The following TBX4 variants were observed in gnomAD, a reference collection of about 807,000 sequenced individuals.
TBX4 encodes T-box transcription factor TBX4.
In TBX4, 13 loss-of-function variants were observed where a neutral mutation model predicts 54.6. The observed-to-expected ratio is 0.24, with a 90% CI of 0.15 to 0.38. TBX4 has a LOEUF of 0.38. TBX4 is among the 10% of genes least tolerant of loss of function. The pLI, the probability that TBX4 is intolerant of heterozygous loss-of-function variation, is 1.00. For synonymous variants in TBX4, 314 were observed against 306.7 expected (o/e 1.02, Z -0.25); for missense variants, 631 against 728.5 (o/e 0.87, Z 1.54).
intron 5 of TBX4, among the ~76,000 whole-genome samples, chr17:61,471,115 A>G (rs1452825945): frequency 2.0e-5 from 3 of 152,240 alleles, no homozygotes; most frequent in African/African-American, 7.2e-5. Flanking sequence ...GTCACAAAGT[A>G]GCACGCATTA....
At chr17:61,482,860 G>A (rs940680095) in intron 8 of TBX4, 37 bp from the exon 9 acceptor site, 4 of 1,609,442 alleles carry the variant, frequency 2.5e-6, no homozygotes, top group Non-Finnish European at 3.4e-6. Context: ...CTGGGCTGGT[G>A]GAAATGGTTC....
In TBX4 at chr17:61,460,846, C is replaced by T. The variant is rs932837751; in HGVS notation, c.281+3215C>T. Reference sequence around the variant, plus strand: ...AATCTCCACTATCAGCCTTCATAGCCTGTTGAGTTCAATGTTGCTTGTGTT... The same window carrying T: ...AATCTCCACTATCAGCCTTCATAGCTTGTTGAGTTCAATGTTGCTTGTGTT... On this transcript the variant is annotated intron_variant, in intron 3 of 8. Coordinates refer to ENST00000644296, the MANE Select transcript of TBX4 (RefSeq NM_001321120.2). This position sits in a 1 kb window ranked among gnomAD's most constrained non-coding sequence, Gnocchi z 4.4. Among the ~76,000 whole-genome samples, 2 of 152,230 alleles carry T rather than the reference C, an allele frequency of 1.3e-5. No individual in the cohort carries two copies. The highest frequency in any genetic ancestry group is 1.3e-4 in the Admixed American group (2 of 15,294).
rs956156755 is a variant in TBX4, at chr17:61,457,379, C to A, written c.187-158C>A. On this transcript the variant is annotated intron_variant, in intron 2 of 8. Coordinates refer to ENST00000644296, the MANE Select transcript of TBX4 (RefSeq NM_001321120.2). The surrounding 1 kb of genome is among the most constrained non-coding windows in gnomAD (Gnocchi z 8.2). ...CCACCGATTAATTCTTTTATATTCA[C>A]GAATAGTTCAAAATCGTTCTGTGAA... 6.6e-6 allele frequency among the ~76,000 whole-genome samples: 1 copy of A among 152,130 alleles called. No homozygotes were observed.
At chr17:61,463,802 C>T (rs2060515137) in intron 3 of TBX4, among the ~76,000 whole-genome samples, 1 of 152,230 alleles carries the variant, frequency 6.6e-6, no homozygotes, top group South Asian at 2.1e-4. Flanking sequence ...CATTTTGTGG[C>T]TGTTTCTGTG....
chr17:61,467,675 C>CT lies in TBX4; in HGVS notation c.549+19dup. 6.2e-7 allele frequency: 1 copy of CT among 1,614,080 alleles called. No homozygotes were observed. The highest frequency in any genetic ancestry group is 8.5e-7 in the Non-Finnish European group (1 of 1,180,020). On this transcript the variant is annotated intron_variant, in intron 5 of 8. Transcript: ENST00000644296. Reference sequence around the variant, plus strand: ...TTGGCCATGTAAGCATGGGGGCTGCCTGGCCCCAGGAGGCAAGTCTGGGGC... The same window carrying CT: ...TTGGCCATGTAAGCATGGGGGCTGCCTTGGCCCCAGGAGGCAAGTCTGGGGC...
Position 61,479,875 on chromosome 17 carries a change from C to G in TBX4, c.703-6C>G. ...ACTGGTGACCCTATGTGTTTTCTCC[C>G]CACAGATCACCCAGCTGAAAATTGA... On this transcript the variant is annotated splice_region_variant and splice_polypyrimidine_tract_variant and intron_variant, in intron 6 of 8. Transcript: ENST00000644296. This position sits in a 1 kb window ranked among gnomAD's most constrained non-coding sequence, Gnocchi z 6.1. The G allele has an allele frequency of 6.2e-7, 1 of 1,614,064 alleles. No homozygotes were observed. Among genetic ancestry groups the G allele is most frequent in the Non-Finnish European group, 8.5e-7 (1 of 1,179,974 alleles).
In TBX4 at chr17:61,479,937, T is replaced by G. The variant is rs370445458; in HGVS notation, c.759T>G (p.Asp253Glu). ...TTGCCAAGGGATTCCGGGGCAGTGATGACAGTGACCTGCGTGTGGCCCGAC... is the reference window on the plus strand; with the variant it reads ...TTGCCAAGGGATTCCGGGGCAGTGAGGACAGTGACCTGCGTGTGGCCCGAC... ...NPFAKGFRGS[D>E]DSDLRVARLQ... Residue 253 changes from aspartate to glutamate, a missense_variant, in exon 7 of 9, where the codon GAT becomes GAG. Transcript: ENST00000644296. This position sits in a 1 kb window ranked among gnomAD's most constrained non-coding sequence, Gnocchi z 6.1. The G allele has an allele frequency of 6.2e-7, 1 of 1,614,088 alleles. No homozygotes were observed. The highest frequency in any genetic ancestry group is 8.5e-7 in the Non-Finnish European group (1 of 1,180,000).
intron 5 of TBX4, among the ~76,000 whole-genome samples, chr17:61,469,698 C>A (rs2060562336): frequency 6.6e-6 from 1 of 152,294 alleles, no homozygotes; most frequent in African/African-American, 2.4e-5. Flanking sequence ...TTTAGAGAAC[C>A]CTTGAAGAGG....
chr17:61,461,469 A>G lies in TBX4; in HGVS notation c.281+3838A>G, dbSNP rs953632453. On this transcript the variant is annotated intron_variant, in intron 3 of 8. Coordinates refer to ENST00000644296, the MANE Select transcript of TBX4 (RefSeq NM_001321120.2). The surrounding 1 kb of genome is among the most constrained non-coding windows in gnomAD (Gnocchi z 5.1). The stretch of plus-strand genomic sequence containing the variant: ...TTCCTCCTGAAAAGCCCCCACGGAC[A>G]TCAGGGTTGGAGAAACAAAGGGTTT... 6.6e-6 allele frequency among the ~76,000 whole-genome samples: 1 copy of G among 152,190 alleles called. No individual in the cohort carries two copies. Among genetic ancestry groups the G allele is most frequent in the Non-Finnish European group, 1.5e-5 (1 of 68,046 alleles).
chr17:61,456,944 A>AC (rs1248355221), intron 2 of TBX4, among the ~76,000 whole-genome samples: 8 of 151,946 alleles, frequency 5.3e-5, no homozygotes, highest in African/African-American at 1.9e-4. Context: ...AGAGAGGGAG[A>AC]CCCCCGTAGC....
chr17:61,470,549 A>G (rs967242938), intron 5 of TBX4, among the ~76,000 whole-genome samples: 1 of 151,686 alleles, frequency 6.6e-6, no homozygotes, highest in East Asian at 1.9e-4. Context: ...CTGTGGGATT[A>G]GGAAAGCCTT....
At chr17:61,468,221 G>T (rs1370694173) in intron 5 of TBX4, among the ~76,000 whole-genome samples, 1 of 152,236 alleles carries the variant, frequency 6.6e-6, no homozygotes, top group Non-Finnish European at 1.5e-5. Flanking sequence ...GCTCCTGCTG[G>T]ATTTGGCCTG....
rs1162668248 is a variant in TBX4, at chr17:61,479,561, C to T, written c.703-320C>T. On this transcript the variant is annotated intron_variant, in intron 6 of 8. Coordinates refer to ENST00000644296, the MANE Select transcript of TBX4 (RefSeq NM_001321120.2). The surrounding 1 kb of genome is among the most constrained non-coding windows in gnomAD (Gnocchi z 6.1). ...CCATGGGGACAGAAGCCCGGCAGTG[C>T]GGAGGGCTGGGGAGCAGGAGAAAGA... Among the ~76,000 whole-genome samples, 5 of 152,086 alleles carry T rather than the reference C, an allele frequency of 3.3e-5. No homozygotes were observed. The highest frequency in any genetic ancestry group is 7.2e-5 in the African/African-American group (3 of 41,394).
rs2060487056 is a variant in TBX4 at position 61,460,523 on chromosome 17, T to C, written c.281+2892T>C. Among the ~76,000 whole-genome samples the C allele has an allele frequency of 6.6e-6, 1 of 152,148 alleles. No individual in the cohort carries two copies. Among genetic ancestry groups the C allele is most frequent in the South Asian group, 2.1e-4 (1 of 4,822 alleles). ...AACCACAGTGGGAGCCACCAGTTTC[T>C]GAATACTCAGCGACCTCCATGTCAG... On this transcript the variant is annotated intron_variant, in intron 3 of 8. Coordinates refer to ENST00000644296, the MANE Select transcript of TBX4 (RefSeq NM_001321120.2). This position sits in a 1 kb window ranked among gnomAD's most constrained non-coding sequence, Gnocchi z 4.4.
Position 61,475,208 on chromosome 17 carries a change from C to T in TBX4, c.550-3419C>T, listed in dbSNP as rs1488243641. Among the ~76,000 whole-genome samples, 1 of 152,248 alleles carries T rather than the reference C, an allele frequency of 6.6e-6. No individual in the cohort carries two copies. Among genetic ancestry groups the T allele is most frequent in the Non-Finnish European group, 1.5e-5 (1 of 68,052 alleles). On this transcript the variant is annotated intron_variant, in intron 5 of 8. Coordinates refer to ENST00000644296, the MANE Select transcript of TBX4 (RefSeq NM_001321120.2). This position sits in a 1 kb window ranked among gnomAD's most constrained non-coding sequence, Gnocchi z 5.0. ...GAAGATGTGTTGGGCACTCTCTCCA[C>T]CCTAGTCATCAGGGACTTTGTCTGA...
At position 61,481,445 on chromosome 17, in the gene TBX4, C is replaced by G. The variant is rs1457186557; in HGVS notation, c.1021+1126C>G. 1 of 152,246 alleles carries G rather than the reference C, an allele frequency of 6.6e-6. No homozygotes were observed. The highest frequency in any genetic ancestry group is 2.4e-5 in the African/African-American group (1 of 41,454). The allele number at this position is 152,246 out of a possible 1,614,324, so 9.4% of individuals were successfully genotyped here. ...CCTTTGCAGAAAAAGTTTGCCCAGTCTTGACCTAGAGTGAGTAGGCCACCT... is the reference window on the plus strand; with the variant it reads ...CCTTTGCAGAAAAAGTTTGCCCAGTGTTGACCTAGAGTGAGTAGGCCACCT... On this transcript the variant is annotated intron_variant, in intron 8 of 8. Transcript: ENST00000644296. This position sits in a 1 kb window ranked among gnomAD's most constrained non-coding sequence, Gnocchi z 4.8.
In TBX4 at chr17:61,457,395, G is replaced by C. The variant is rs2060460064; in HGVS notation, c.187-142G>C. On this transcript the variant is annotated intron_variant, in intron 2 of 8. Coordinates refer to ENST00000644296, the MANE Select transcript of TBX4 (RefSeq NM_001321120.2). The surrounding 1 kb of genome is among the most constrained non-coding windows in gnomAD (Gnocchi z 8.2). ...TTATATTCACGAATAGTTCAAAATC[G>C]TTCTGTGAAACGAAATCTGGAGCCA... is the stretch of plus-strand genomic sequence containing the variant. The C allele has an allele frequency of 1.4e-6, 1 of 708,392 alleles. No homozygotes were observed. Among genetic ancestry groups the C allele is most frequent in the African/African-American group, 1.8e-5 (1 of 55,988 alleles). The allele number at this position is 708,392 out of a possible 1,614,324, so 43.9% of individuals were successfully genotyped here.
intron 2 of TBX4, among the ~76,000 whole-genome samples, 157 bp downstream of exon 2, chr17:61,456,833 C>T (rs1031781893): frequency 6.6e-6 from 1 of 152,226 alleles, no homozygotes; most frequent in East Asian, 1.9e-4. Context: ...CTGGACATGG[C>T]TCGCTTTCTC....
intron 1 of TBX4, chr17:61,452,818 A>G (rs1360952363): frequency 1.4e-6 from 1 of 717,724 alleles, no homozygotes; most frequent in Non-Finnish European, 1.7e-6. Context: ...CTCTCTGAGT[A>G]ACGCGATGAA....
Sources: gnomAD v4.1 joint callset for allele counts (sites outside exome capture counted in the v4.1 genomes callset) on GRCh38, gnomAD v4.1.1 for gene constraint, Gnocchi (gnomAD v3.1) non-coding constraint, MANE v1.5 for transcripts, NCBI Gene and HGNC (gene_info 2026-07-23, HGNC 2026-07-21) for gene names.